Variants in ZNF420 observed in about 807,000 individuals in gnomAD.
ZNF420 encodes zinc finger protein 420.
In ZNF420, 31 loss-of-function variants were observed where a neutral mutation model predicts 44.7. That is an observed-to-expected ratio of 0.69 (90% CI 0.52 to 0.94). The LOEUF (loss-of-function observed/expected upper bound fraction) is 0.94, where lower values mean the gene tolerates loss of function less well. Among genes scored for constraint, ZNF420 ranks in the 40% least tolerant of loss-of-function variants. ZNF420 has a pLI of 0.00. For synonymous variants in ZNF420, 245 were observed against 267.4 expected, an observed-to-expected ratio of 0.92 and a Z score of 0.82; for missense variants, 681 against 827.9, an observed-to-expected ratio of 0.82 and a Z score of 2.18.
intron 1 of ZNF420, among the ~76,000 whole-genome samples, chr19:37,064,766 C>T (rs1967937255): frequency 6.6e-6 from 1 of 152,066 alleles, no homozygotes; most frequent in Admixed American, 6.6e-5. Flanking sequence ...CTTGCTCAGC[C>T]CCTAATGGAT....
In ZNF420 at chr19:37,054,870, A is replaced by G. The variant is rs538263761; in HGVS notation, c.-124-25475A>G. On this transcript the variant is annotated intron_variant, in intron 1 of 4. Coordinates refer to the ZNF420 transcript ENST00000587029. ...GATTGTTATACAACACAGAAACACA[A>G]GATGAATTGTACTCCTCAGCAAGCC... Among the ~76,000 whole-genome samples the G allele has an allele frequency of 2.6e-5, 4 of 152,242 alleles. No individual in the cohort carries two copies. The South Asian group carries it at 8.3e-4, about 31-fold the overall frequency.
chr19:37,085,968 T>G (rs1038629286), intron 2 of ZNF420, among the ~76,000 whole-genome samples: 3 of 147,580 alleles, frequency 2.0e-5, no homozygotes, highest in Non-Finnish European at 3.0e-5. Context: ...TTATTATTAT[T>G]ATTATTATTA....
intron 1 of ZNF420, among the ~76,000 whole-genome samples, chr19:37,079,326 C>G (rs1286522497): frequency 6.6e-6 from 1 of 152,064 alleles, no homozygotes; most frequent in Non-Finnish European, 1.5e-5. Context: ...GGGTTTAGTC[C>G]AGTACAGAAG....
At chr19:37,114,375 C>T (rs1044964396) in intron 4 of ZNF420, among the ~76,000 whole-genome samples, 34 of 152,122 alleles carry the variant, frequency 2.2e-4, no homozygotes, top group African/African-American at 6.0e-4. Context: ...TATTTTCCAC[C>T]GGCTGATATT....
At chr19:37,037,602 G>C (rs184365421) in intron 1 of ZNF420, among the ~76,000 whole-genome samples, 4 of 152,344 alleles carry the variant, frequency 2.6e-5, no homozygotes, top group Non-Finnish European at 5.9e-5. Context: ...GTGTGGGACA[G>C]GTGGGCAAAT....
chr19:37,082,429 T>A (rs1260699719), intron 2 of ZNF420, among the ~76,000 whole-genome samples: 5 of 152,164 alleles, frequency 3.3e-5, no homozygotes, highest in African/African-American at 1.2e-4. Context: ...CCTCCCAAAT[T>A]TCTGGGATTA....
At chr19:37,016,598 C>T (rs1410110356) in intron 1 of ZNF420, among the ~76,000 whole-genome samples, 2 of 152,150 alleles carry the variant, frequency 1.3e-5, no homozygotes, top group East Asian at 3.9e-4. Context: ...CACTCTCAAC[C>T]TTATCTGTCC....
chr19:37,075,782 CAGAG>C (rs1008293588), upstream of ZNF420, among the ~76,000 whole-genome samples: 3 of 151,780 alleles, frequency 2.0e-5, no homozygotes, highest in Non-Finnish European at 2.9e-5. Context: ...CAAACAAAAA[CAGAG>C]AGAGAGGGAG....
intron 4 of ZNF420, among the ~76,000 whole-genome samples, chr19:37,094,086 T>C (rs1376003533): frequency 6.6e-6 from 1 of 152,212 alleles, no homozygotes; most frequent in Non-Finnish European, 1.5e-5. Context: ...TAATAATTTC[T>C]AGGCATGGTA....
intron 1 of ZNF420, among the ~76,000 whole-genome samples, chr19:37,046,476 A>G (rs1283599286): frequency 6.6e-6 from 1 of 152,252 alleles, no homozygotes; most frequent in African/African-American, 2.4e-5. Flanking sequence ...ATGGGTAAAT[A>G]AATTATACCC....
chr19:37,021,950 AAAAAAAAAAAAAAG>A (rs1380966234), intron 1 of ZNF420, among the ~76,000 whole-genome samples: 3 of 150,162 alleles, frequency 2.0e-5, no homozygotes, highest in African/African-American at 7.3e-5. Context: ...AAAAAAAAAA[AAAAAAAAAAAAAAG>A]AAAAGAAAAA....
At chr19:37,087,288 AAAAAATAAATAAATAAAT>A (rs1402086739) in intron 2 of ZNF420, among the ~76,000 whole-genome samples, 4 of 58,470 alleles carry the variant, frequency 6.8e-5, no homozygotes, top group African/African-American at 2.9e-4. Context: ...GTCTCAAAAA[AAAAAATAAATAAATAAAT>A]AAATAAATAA....
chr19:37,032,312 C>T (rs1341843698), intron 1 of ZNF420, among the ~76,000 whole-genome samples: 1 of 149,954 alleles, frequency 6.7e-6, no homozygotes, highest in Non-Finnish European at 1.5e-5. Flanking sequence ...AACCTGGTGA[C>T]AGAGCAAGAC....
chr19:37,114,685 T>C (rs1469048580), intron 4 of ZNF420, among the ~76,000 whole-genome samples: 1 of 152,190 alleles, frequency 6.6e-6, no homozygotes, highest in African/African-American at 2.4e-5. Context: ...ATGTGAACTT[T>C]CCGTTCCTTT....
At chr19:37,011,830 T>C (rs1240899698) in intron 1 of ZNF420, among the ~76,000 whole-genome samples, 1 of 152,160 alleles carries the variant, frequency 6.6e-6, no homozygotes, top group East Asian at 1.9e-4. Context: ...GGCTCCACCT[T>C]GGACTCGCCC....
intron 1 of ZNF420, among the ~76,000 whole-genome samples, chr19:37,013,322 T>C (rs945406969): frequency 1.3e-5 from 2 of 152,196 alleles, no homozygotes; most frequent in African/African-American, 2.4e-5. Flanking sequence ...GCCTTGCCAA[T>C]GTGCATGCTC....
Position 37,022,176 on chromosome 19 carries a change from G to A in ZNF420, c.-125+14094G>A, listed in dbSNP as rs1028830577. On this transcript the variant is annotated intron_variant, in intron 1 of 4. Coordinates refer to the ZNF420 transcript ENST00000587029. ...AACACTGTCAAATTATATATCAAAT[G>A]TATAGGGGCAAAAAAATCTAATGTG... Among the ~76,000 whole-genome samples the A allele has an allele frequency of 1.4e-4, 21 of 151,216 alleles. No individual in the cohort carries two copies. In the East Asian group the frequency reaches 1.5e-3, roughly 11 times the overall value.
chr19:37,048,118 T>G (rs980251270), intron 1 of ZNF420, among the ~76,000 whole-genome samples: 1 of 147,594 alleles, frequency 6.8e-6, no homozygotes, highest in African/African-American at 2.6e-5. Flanking sequence ...AAAGGCACTT[T>G]TATTGTGGGG....
At chr19:37,064,488 G>A (rs952908569) in intron 1 of ZNF420, among the ~76,000 whole-genome samples, 2 of 151,976 alleles carry the variant, frequency 1.3e-5, no homozygotes, top group Non-Finnish European at 2.9e-5. Flanking sequence ...GATGTTCCAG[G>A]CTCATCTTGT....
Sources: allele counts gnomAD v4.1 joint callset (sites outside exome capture counted in the v4.1 genomes callset), GRCh38; gene constraint gnomAD v4.1.1; transcripts MANE v1.5; gene names NCBI Gene and HGNC (gene_info 2026-07-23, HGNC 2026-07-21).